NUP214: variants seen among roughly 807,000 people sequenced by gnomAD.
The protein encoded by NUP214 is nucleoporin 214, also known as nuclear pore complex protein Nup214.
Under a neutral mutation model 196.2 loss-of-function variants are expected in NUP214, and 79 were observed. The ratio of observed to expected loss-of-function variants is 0.40; its 90% CI spans 0.34 to 0.49. The LOEUF (loss-of-function observed/expected upper bound fraction) is 0.49, where lower values mean the gene tolerates loss of function less well. Among genes scored for constraint, NUP214 ranks in the 20% least tolerant of loss-of-function variants. The pLI is 0.58. For missense variants in NUP214, 2,468 were observed against 2,539.0 expected (o/e 0.97, Z 0.60); for synonymous variants, 1,020 against 990.5 (o/e 1.03, Z -0.56).
chr9:131,141,957 G>C (rs925708496), intron 11 of NUP214, among the ~76,000 whole-genome samples: 2 of 152,100 alleles, frequency 1.3e-5, no homozygotes, highest in East Asian at 1.9e-4. Flanking sequence ...CAATAACTTA[G>C]GGGTATATTC....
intron 21 of NUP214, among the ~76,000 whole-genome samples, chr9:131,173,213 C>G (rs754275388): frequency 2.0e-4 from 30 of 152,080 alleles, no homozygotes; most frequent in Non-Finnish European, 3.1e-4. Flanking sequence ...TGCACCACCA[C>G]GACTGGCTAA....
At chr9:131,141,883 T>G (rs562703619) in intron 11 of NUP214, 1 of 152,338 alleles carries the variant, frequency 6.6e-6, no homozygotes, top group East Asian at 1.9e-4. Flanking sequence ...AATTTTTTTC[T>G]TCTATTATGA....
chr9:131,198,358 T>C lies in NUP214; in HGVS notation c.4864T>C (p.Ser1622Pro), dbSNP rs1247301740. The stretch of plus-strand genomic sequence containing the variant: ...TACCCCCATAGCCTCCAGCACCACG[T>C]CCATTGTTGCTCCCGGCCCATCTGC... ...SSTPIASSTT[S>P]IVAPGPSAEA... Residue 1622 changes from serine to proline, a missense_variant, in exon 29 of 36, where the codon TCC becomes CCC. Around this residue, in one of 5 missense-constraint regions of NUP214, gnomAD observed 1,801 missense variants for 1,779.4 expected, o/e 1.01. Transcript: ENST00000359428. The C allele has an allele frequency of 6.2e-7, 1 of 1,614,166 alleles. No individual in the cohort carries two copies. The highest frequency in any genetic ancestry group is 8.5e-7 in the Non-Finnish European group (1 of 1,180,020).
chr9:131,196,143 A>G (rs1833783662), intron 28 of NUP214, among the ~76,000 whole-genome samples: 1 of 150,904 alleles, frequency 6.6e-6, no homozygotes, highest in South Asian at 2.1e-4. Flanking sequence ...TTATCCGTTT[A>G]TGATTAAGTC....
chr9:131,130,763 C>T lies in NUP214; in HGVS notation c.593-3C>T, dbSNP rs775274947. The T allele has an allele frequency of 6.2e-7, 1 of 1,613,712 alleles. No individual in the cohort carries two copies. Among genetic ancestry groups the T allele is most frequent in the Non-Finnish European group, 8.5e-7 (1 of 1,179,806 alleles). On this transcript the variant is annotated splice_region_variant and splice_polypyrimidine_tract_variant and intron_variant, in intron 4 of 35. Coordinates refer to ENST00000359428, the MANE Select transcript of NUP214 (RefSeq NM_005085.4). ...TTCATTTGGTAATACTGTCTTTGCT[C>T]AGTGTGCTGGAGCCCCAAAGGAAAG...
intron 24 of NUP214, among the ~76,000 whole-genome samples, chr9:131,184,147 C>G (rs186922859): frequency 2.5e-4 from 37 of 148,714 alleles, no homozygotes; most frequent in South Asian, 1.7e-3. Flanking sequence ...TCTCCTGCCT[C>G]AGCCTCCTGA....
intron 17 of NUP214, among the ~76,000 whole-genome samples, chr9:131,154,825 TTGTG>T (rs79188142): frequency 0.04 from 6,138 of 151,646 alleles, 161 homozygotes; most frequent in African/African-American, 0.077. Flanking sequence ...GTAGTAGTAG[TTGTG>T]TGTGTGTGTG....
chr9:131,192,593 C>A, intron 27 of NUP214: 1 of 210,712 alleles, frequency 4.7e-6, no homozygotes, highest in Non-Finnish European at 9.4e-6. Context: ...TAGTTTGTCA[C>A]ACTGAGATGT....
Position 131,125,703 on chromosome 9 carries a change from C to T in NUP214, c.-2C>T, listed in dbSNP as rs1219998273. ...CTGCTTCGACACACTGAGGGCGGCG[C>T]GATGGGAGACGAGATGGATGCCATG... On this transcript the variant is annotated 5_prime_UTR_variant, in exon 1 of 36. Transcript: ENST00000359428. This position sits in a 1 kb window ranked among gnomAD's most constrained non-coding sequence, Gnocchi z 4.1. 1.3e-6 allele frequency: 2 copies of T among 1,550,626 alleles called. No individual in the cohort carries two copies. The highest frequency in any genetic ancestry group is 8.7e-7 in the Non-Finnish European group (1 of 1,146,710).
intron 25 of NUP214, 117 bp downstream of exon 25, chr9:131,187,481 G>A: frequency 1.4e-6 from 1 of 706,452 alleles, no homozygotes. Context: ...CTGCCTCCTG[G>A]GTTCAAGTGA....
chr9:131,164,309 A>G (rs1316224009), intron 21 of NUP214, 165 bp downstream of exon 21: 1 of 622,068 alleles, frequency 1.6e-6, no homozygotes, highest in Non-Finnish European at 2.8e-6. Flanking sequence ...AAATGTCTCC[A>G]GAATCTGTTG....
At chr9:131,223,727 A>ATT (rs529624907) in intron 32 of NUP214, among the ~76,000 whole-genome samples, 14 of 15,666 alleles carry the variant, frequency 8.9e-4, no homozygotes, top group African/African-American at 1.1e-3. Context: ...TTATTTATTT[A>ATT]TTTTTTTTTT....
At chr9:131,223,837 C>A (rs1403830311) in intron 32 of NUP214, among the ~76,000 whole-genome samples, 1 of 147,264 alleles carries the variant, frequency 6.8e-6, no homozygotes, top group Non-Finnish European at 1.5e-5. Context: ...TGGGTTCACG[C>A]CATTCTCCTG....
In NUP214 at chr9:131,146,074, T is replaced by C; in HGVS notation, c.1770-55T>C. The C allele has an allele frequency of 6.8e-7, 1 of 1,477,250 alleles. No individual in the cohort carries two copies. Among genetic ancestry groups the C allele is most frequent in the African/African-American group, 1.4e-5 (1 of 72,054 alleles). 91.5% of individuals were successfully genotyped at this position (1,477,250 alleles called of 1,614,324 possible). On this transcript the variant is annotated intron_variant, in intron 12 of 35. Transcript: ENST00000359428. This position sits in a 1 kb window ranked among gnomAD's most constrained non-coding sequence, Gnocchi z 4.6. ...CTTTTGATGACATTGCTCATGCTAG[T>C]GTAAAAGAATCTTCTAGCAGGCTCT...
chr9:131,230,547 C>CT (rs1317379847), intron 33 of NUP214, 83 bp from the exon 34 acceptor site: 2 of 1,543,680 alleles, frequency 1.3e-6, no homozygotes, highest in Admixed American at 3.4e-5. Flanking sequence ...TGTATTGGGA[C>CT]TTACAGCAGG....
Position 131,130,835 on chromosome 9 carries a change from C to T in NUP214, c.662C>T (p.Pro221Leu), listed in dbSNP as rs750439697. ...AATGGAACTGTGGTCCAGTATCTTCCTGTAAGTTCTTATCTTGAACTTCAG... is the reference window on the plus strand; with the variant it reads ...AATGGAACTGTGGTCCAGTATCTTCTTGTAAGTTCTTATCTTGAACTTCAG... ...KQNGTVVQYLPTLQEKKVIPC... is the reference protein window; with the variant it reads ...KQNGTVVQYLLTLQEKKVIPC... The change falls in exon 5 of 36, where the codon CCT (proline) becomes CTT (leucine). Residue 221 changes from proline to leucine, a missense_variant and splice_region_variant. This residue lies in a region of NUP214 where 392 missense variants were observed against 417.9 expected (regional missense o/e 0.94). Transcript: ENST00000359428. The T allele has an allele frequency of 4.3e-6, 7 of 1,613,730 alleles. No individual in the cohort carries two copies. The Admixed American group carries it at 1.2e-4, about 27-fold the overall frequency.
At chr9:131,178,238 AT>A (rs1166407106) in intron 23 of NUP214, 72 bp from the exon 24 acceptor site, 1 of 1,223,906 alleles carries the variant, frequency 8.2e-7, no homozygotes. Flanking sequence ...TTGGTTTTTC[AT>A]TTATATGTGG....
chr9:131,230,329 C>G (rs1834840931), intron 33 of NUP214: 1 of 337,270 alleles, frequency 3.0e-6, no homozygotes, highest in African/African-American at 2.1e-5. Context: ...GGAGGTAGAG[C>G]AGGAACTGTG....
intron 23 of NUP214, among the ~76,000 whole-genome samples, chr9:131,176,302 C>T (rs1452171259): frequency 6.6e-6 from 1 of 152,030 alleles, no homozygotes; most frequent in East Asian, 1.9e-4. Context: ...TTTTTCTTCT[C>T]CAACTATATC....
Sources: allele counts gnomAD v4.1 joint callset (sites outside exome capture counted in the v4.1 genomes callset), GRCh38; gene constraint gnomAD v4.1.1; regional missense constraint gnomAD v4.1.1; non-coding constraint Gnocchi (gnomAD v3.1); transcripts MANE v1.5; gene names NCBI Gene and HGNC (gene_info 2026-07-23, HGNC 2026-07-21).